Variants in C19orf47 observed in about 807,000 individuals in gnomAD.
C19orf47 encodes the protein uncharacterized protein C19orf47.
C19orf47 carries 18 observed loss-of-function variants against 32.3 expected under a neutral mutation model. The ratio of observed to expected loss-of-function variants is 0.56; its 90% confidence interval spans 0.39 to 0.83. The LOEUF (loss-of-function observed/expected upper bound fraction) is 0.83. C19orf47 is among the 40% of genes least tolerant of loss of function. The pLI is 0.00. For missense variants in C19orf47, 484 were observed against 531.6 expected, an observed-to-expected ratio of 0.91 and a Z score of 0.88; for synonymous variants, 202 against 211.1, an observed-to-expected ratio of 0.96 and a Z score of 0.37.
intron 2 of C19orf47, among the ~76,000 whole-genome samples, chr19:40,340,213 C>G (rs2078149784): frequency 6.6e-6 from 1 of 151,540 alleles, no homozygotes; most frequent in South Asian, 2.1e-4. Flanking sequence ...ATAGATCTTC[C>G]TAAACCAGAC....
Position 40,333,842 on chromosome 19 carries a change from A to C in C19orf47, c.301+9T>G. ...TCAAGGAAAAGAGGCCTGAATAGTT[A>C]GGACTCACCACTGGTGCCACGGCGA... On this transcript the variant is annotated intron_variant, in intron 5 of 8. Coordinates refer to ENST00000683109, the MANE Select transcript of C19orf47 (RefSeq NM_001256441.2). The C allele has an allele frequency of 6.4e-7, 1 of 1,559,300 alleles. No homozygotes were observed. Among genetic ancestry groups the C allele is most frequent in the Admixed American group, 1.9e-5 (1 of 51,664 alleles).
At chr19:40,324,116 G>C in intron 7 of C19orf47, 40 bp from the exon 8 acceptor site, 2 of 1,606,658 alleles carry the variant, frequency 1.2e-6, no homozygotes, top group Non-Finnish European at 1.7e-6. Flanking sequence ...GGCCCCGGTG[G>C]GCCAGGCCTA....
chr19:40,335,070 G>T (rs898374163), intron 4 of C19orf47, among the ~76,000 whole-genome samples: 1 of 141,546 alleles, frequency 7.1e-6, no homozygotes, highest in Non-Finnish European at 1.5e-5. Context: ...GGAAGGGAGG[G>T]AGGGAGACAG....
intron 4 of C19orf47, among the ~76,000 whole-genome samples, chr19:40,335,711 G>A (rs377612260): frequency 6.6e-6 from 1 of 151,184 alleles, no homozygotes; most frequent in South Asian, 2.1e-4. Context: ...CCACGTTCAC[G>A]TCATTCTCCT....
At chr19:40,338,862 T>C (rs1006045295) in intron 2 of C19orf47, among the ~76,000 whole-genome samples, 2 of 152,154 alleles carry the variant, frequency 1.3e-5, no homozygotes, top group Non-Finnish European at 2.9e-5. Flanking sequence ...GTTTTAAAAT[T>C]GATTATGGTG....
chr19:40,316,870 C>A (rs2077665433), downstream of C19orf47, among the ~76,000 whole-genome samples: 1 of 152,068 alleles, frequency 6.6e-6, no homozygotes, highest in Non-Finnish European at 1.5e-5. Context: ...GAATTTCCTT[C>A]AAAAAGGAAC....
intron 6 of C19orf47, among the ~76,000 whole-genome samples, chr19:40,328,210 C>A (rs1173997415): frequency 6.6e-6 from 1 of 152,102 alleles, no homozygotes; most frequent in African/African-American, 2.4e-5. Flanking sequence ...GGTATCGCCA[C>A]CCCCCATGCT....
chr19:40,314,680 C>T (rs1177814307), downstream of C19orf47, among the ~76,000 whole-genome samples: 1 of 152,166 alleles, frequency 6.6e-6, no homozygotes, highest in African/African-American at 2.4e-5. Flanking sequence ...CCCTTGCCCC[C>T]AAGGAGATGG....
chr19:40,322,197 TG>T lies in C19orf47; in HGVS notation c.842del (p.Thr281LysfsTer94). The T allele has an allele frequency of 6.2e-7, 1 of 1,611,450 alleles. No individual in the cohort carries two copies. The highest frequency in any genetic ancestry group is 1.3e-5 in the African/African-American group (1 of 75,064). On this transcript the variant is annotated frameshift_variant, in exon 9 of 9. Coordinates refer to ENST00000683109, the MANE Select transcript of C19orf47 (RefSeq NM_001256441.2). LOFTEE classifies it high-confidence loss of function. ...QPALTVKAKA[T>X]SSATTAAAPT... ...GGGCAGCAGCCGTTGTCGCTGAGCT[TG>T]TGGCCTTGGCTTTGACAGTCAGTGC... is the stretch of plus-strand genomic sequence containing the variant.
chr19:40,306,689 C>T, the C19orf47 span, among the ~76,000 whole-genome samples: 4 of 152,074 alleles, frequency 2.6e-5, no homozygotes, highest in South Asian at 8.3e-4. Context: ...AGGTGTGAGC[C>T]ACTGCATCAG....
At chr19:40,295,432 G>A in the C19orf47 span, among the ~76,000 whole-genome samples, 1 of 150,298 alleles carries the variant, frequency 6.7e-6, no homozygotes, top group Non-Finnish European at 1.5e-5. Context: ...GCAGAAATCA[G>A]ATTACTTTTT....
chr19:40,311,201 AC>A, the C19orf47 span, among the ~76,000 whole-genome samples: 1 of 151,844 alleles, frequency 6.6e-6, no homozygotes, highest in Non-Finnish European at 1.5e-5. Context: ...ACACGGAGAA[AC>A]CCCGTCTCTA....
the C19orf47 span, among the ~76,000 whole-genome samples, chr19:40,302,973 G>A: frequency 6.6e-6 from 1 of 152,162 alleles, no homozygotes; most frequent in African/African-American, 2.4e-5. Flanking sequence ...AGTTCACTGG[G>A]ATCACACCTA....
At chr19:40,322,956 GCTC>G (rs2077752163) in intron 8 of C19orf47, among the ~76,000 whole-genome samples, 1 of 152,162 alleles carries the variant, frequency 6.6e-6, no homozygotes, top group Non-Finnish European at 1.5e-5. Context: ...GACAGGGGTG[GCTC>G]CTCATCAGTC....
At chr19:40,295,725 C>G in the C19orf47 span, among the ~76,000 whole-genome samples, 9 of 151,962 alleles carry the variant, frequency 5.9e-5, no homozygotes, top group Non-Finnish European at 1.2e-4. Flanking sequence ...CATGAGCCAC[C>G]GTGCCTGGCC....
chr19:40,303,319 C>T, the C19orf47 span, among the ~76,000 whole-genome samples: 1 of 151,142 alleles, frequency 6.6e-6, no homozygotes, highest in Non-Finnish European at 1.5e-5. Flanking sequence ...GTCAGAAGAT[C>T]GAGACCATCC....
intron 2 of C19orf47, chr19:40,341,637 C>T: frequency 2.8e-6 from 2 of 721,948 alleles, no homozygotes; most frequent in Non-Finnish European, 4.4e-6. Context: ...CACAGCTAAA[C>T]TATACAGTCA....
chr19:40,323,934 A>G lies in C19orf47; in HGVS notation c.663+72T>C, dbSNP rs904589089. Reference sequence around the variant, plus strand: ...GGGCCGAGTGAGGTTGAGATGTGTTAAAGAGTCAGGAGCACCGCTCAGGGA... The same window carrying G: ...GGGCCGAGTGAGGTTGAGATGTGTTGAAGAGTCAGGAGCACCGCTCAGGGA... On this transcript the variant is annotated intron_variant, in intron 8 of 8. Coordinates refer to ENST00000683109, the MANE Select transcript of C19orf47 (RefSeq NM_001256441.2). 5.1e-6 allele frequency: 8 copies of G among 1,572,696 alleles called. No individual in the cohort carries two copies. The African/African-American group carries it at 5.4e-5, about 11-fold the overall frequency.
chr19:40,344,651 T>C (rs960058467), intron 1 of C19orf47, among the ~76,000 whole-genome samples: 1 of 152,150 alleles, frequency 6.6e-6, no homozygotes, highest in Non-Finnish European at 1.5e-5. Flanking sequence ...TGAGGACTAT[T>C]ATTAGCCCTG....
Sources: gnomAD v4.1 joint callset for allele counts (sites outside exome capture counted in the v4.1 genomes callset) on GRCh38, gnomAD v4.1.1 for gene constraint, MANE v1.5 for transcripts, NCBI Gene and HGNC (gene_info 2026-07-23, HGNC 2026-07-21) for gene names.